DLG2: variants seen among roughly 807,000 people sequenced by gnomAD.
DLG2 encodes the protein discs large MAGUK scaffold protein 2, also known as disks large homolog 2.
In DLG2, 45 loss-of-function variants were observed where a neutral mutation model predicts 132.5. The observed-to-expected ratio is 0.34, with a 90% CI of 0.27 to 0.44. The LOEUF (loss-of-function observed/expected upper bound fraction) is 0.44. DLG2 is among the 20% of genes least tolerant of loss of function. The pLI is 1.00. For synonymous variants in DLG2, 424 were observed against 419.6 expected, an observed-to-expected ratio of 1.01 and a Z score of -0.13; for missense variants, 1,045 against 1,196.9, an observed-to-expected ratio of 0.87 and a Z score of 1.87.
chr11:84,900,491 T>A (rs1406387513), intron 6 of DLG2, among the ~76,000 whole-genome samples: 1 of 152,070 alleles, frequency 6.6e-6, no homozygotes, highest in African/African-American at 2.4e-5. Context: ...CATTCTTCTA[T>A]AAAAGGGATA....
intron 9 of DLG2, among the ~76,000 whole-genome samples, chr11:84,145,606 G>A (rs139912776): frequency 6.6e-6 from 1 of 152,138 alleles, no homozygotes; most frequent in Non-Finnish European, 1.5e-5. Context: ...TGTCAAAGAT[G>A]GGGTAATATT....
At chr11:83,460,999 G>GTTTT (rs10591072) in intron 27 of DLG2, among the ~76,000 whole-genome samples, 1 of 107,070 alleles carries the variant, frequency 9.3e-6, no homozygotes, top group Non-Finnish European at 1.9e-5. Flanking sequence ...AAGTTCTTGG[G>GTTTT]TTTTTTTTTT....
intron 18 of DLG2, among the ~76,000 whole-genome samples, chr11:83,706,609 CCTT>C (rs1388235753): frequency 1.3e-5 from 2 of 152,158 alleles, no homozygotes; most frequent in African/African-American, 4.8e-5. Context: ...AGCAGGGAAA[CCTT>C]CTGAGGAGCA....
At chr11:85,270,349 A>C (rs2077453215) in intron 4 of DLG2, among the ~76,000 whole-genome samples, 1 of 152,140 alleles carries the variant, frequency 6.6e-6, no homozygotes, top group African/African-American at 2.4e-5. Flanking sequence ...ACTTTCCACC[A>C]TGATTGTGAT....
chr11:85,118,546 G>A (rs1301282232), intron 5 of DLG2, among the ~76,000 whole-genome samples: 1 of 152,056 alleles, frequency 6.6e-6, no homozygotes, highest in Non-Finnish European at 1.5e-5. Context: ...CCATTGTTGT[G>A]ACTTGATATT....
intron 11 of DLG2, among the ~76,000 whole-genome samples, chr11:84,018,552 G>A (rs549164108): frequency 1.8e-4 from 28 of 152,000 alleles, no homozygotes; most frequent in African/African-American, 6.0e-4. Context: ...TGTAAAAAAG[G>A]GTGAAAATAA....
At chr11:84,580,842 G>C (rs528356354) in intron 6 of DLG2, among the ~76,000 whole-genome samples, 1 of 152,274 alleles carries the variant, frequency 6.6e-6, no homozygotes. Flanking sequence ...TTTATATTCA[G>C]TTGTTACCTG....
At chr11:85,413,258 GT>G (rs1456594614) in intron 3 of DLG2, among the ~76,000 whole-genome samples, 1 of 151,492 alleles carries the variant, frequency 6.6e-6, no homozygotes, top group Non-Finnish European at 1.5e-5. Context: ...TGATGAAATT[GT>G]TTTCTTCTTG....
rs918555898 is a variant in DLG2, at chr11:84,915,116, C to T, written c.357+196545G>A. Among the ~76,000 whole-genome samples, 28 of 152,130 alleles carry T rather than the reference C, an allele frequency of 1.8e-4. No individual in the cohort carries two copies. In the South Asian group the frequency reaches 5.4e-3, roughly 29 times the overall value. On this transcript the variant is annotated intron_variant, in intron 6 of 27. Transcript: ENST00000376104. ...TTCATCATCTTTTCATTTGCATATT[C>T]CTAATTGAGGTTGTATTTTTCTTAA...
chr11:85,413,720 GT>G (rs1274590689), intron 3 of DLG2, among the ~76,000 whole-genome samples: 1 of 151,446 alleles, frequency 6.6e-6, no homozygotes, highest in Non-Finnish European at 1.5e-5. Flanking sequence ...CTGTATTTCG[GT>G]TTGTTTCTGG....
Position 83,578,395 on chromosome 11 carries a change from T to G in DLG2, c.1941-36537A>C, listed in dbSNP as rs376682400. 1.4e-4 allele frequency among the ~76,000 whole-genome samples: 22 copies of G among 152,130 alleles called. No individual in the cohort carries two copies. The East Asian group carries it at 3.3e-3, about 23-fold the overall frequency. ...AGAACAGTACCAAGATGATTAGACT[T>G]AAACCTAATGACACCAACAATCATG... On this transcript the variant is annotated intron_variant, in intron 19 of 27. Transcript: ENST00000376104.
intron 6 of DLG2, among the ~76,000 whole-genome samples, chr11:85,096,371 T>A (rs1028584953): frequency 6.6e-6 from 1 of 151,442 alleles, no homozygotes; most frequent in Non-Finnish European, 1.5e-5. Flanking sequence ...TTCCTGAAGT[T>A]AGCAAGACCA....
At chr11:84,411,511 T>C (rs546794672) in intron 7 of DLG2, among the ~76,000 whole-genome samples, 2 of 151,934 alleles carry the variant, frequency 1.3e-5, no homozygotes, top group Non-Finnish European at 2.9e-5. Context: ...AATGAGAAAG[T>C]GGGCAATGAC....
intron 6 of DLG2, among the ~76,000 whole-genome samples, chr11:85,097,280 A>C (rs1176410726): frequency 2.0e-5 from 3 of 152,100 alleles, no homozygotes; most frequent in Non-Finnish European, 4.4e-5. Flanking sequence ...CCAATCAGAA[A>C]GACATAATTT....
At position 85,347,967 on chromosome 11, in the gene DLG2, C is replaced by CTTT. The variant is rs35083224; in HGVS notation, c.41-62605_41-62603dup. On this transcript the variant is annotated intron_variant, in intron 3 of 27. Coordinates refer to ENST00000376104, the MANE Select transcript of DLG2 (RefSeq NM_001142699.3). ...TACAGACTCATGCCACCACACTTAACTTTTTTTTTTTTTTTTTTTTTTTTT... is the reference window on the plus strand; with the variant it reads ...TACAGACTCATGCCACCACACTTAACTTTTTTTTTTTTTTTTTTTTTTTTTTTT... Among the ~76,000 whole-genome samples, 32 of 40,404 alleles carry CTTT rather than the reference C, an allele frequency of 7.9e-4. 6 individuals are homozygous for CTTT. The highest frequency in any genetic ancestry group is 1.8e-3 in the African/African-American group (18 of 9,770). 26.5% of individuals were successfully genotyped at this position (40,404 alleles called of 152,430 possible). A position where few individuals can be genotyped will look rare whatever the true frequency, so the allele number is the denominator to read the frequency against.
intron 6 of DLG2, chr11:84,720,429 G>A (rs1596474222): frequency 1.0e-6 from 1 of 985,436 alleles, no homozygotes; most frequent in East Asian, 1.1e-4. Flanking sequence ...GCAGCTCGCT[G>A]GGGGACCCAA....
At chr11:84,488,653 G>A (rs1040795389) in intron 7 of DLG2, among the ~76,000 whole-genome samples, 1 of 152,074 alleles carries the variant, frequency 6.6e-6, no homozygotes, top group African/African-American at 2.4e-5. Context: ...CTGCTTCTGA[G>A]CCAGAAAATG....
intron 15 of DLG2, among the ~76,000 whole-genome samples, chr11:83,903,195 A>G (rs1000989009): frequency 2.0e-5 from 3 of 152,098 alleles, no homozygotes; most frequent in Non-Finnish European, 4.4e-5. Flanking sequence ...TGAGCTTTAA[A>G]TTTGATGATC....
At chr11:85,318,303 C>A (rs1273442451) in intron 3 of DLG2, among the ~76,000 whole-genome samples, 1 of 151,784 alleles carries the variant, frequency 6.6e-6, no homozygotes, top group Non-Finnish European at 1.5e-5. Flanking sequence ...TCCAATGTGG[C>A]CAAATCCTTC....
Sources: allele counts gnomAD v4.1 joint callset (sites outside exome capture counted in the v4.1 genomes callset), GRCh38; gene constraint gnomAD v4.1.1; transcripts MANE v1.5; gene names NCBI Gene and HGNC (gene_info 2026-07-23, HGNC 2026-07-21).